Variants in FREM1 observed in about 807,000 individuals in gnomAD.
FREM1 encodes FRAS1-related extracellular matrix protein 1.
FREM1 carries 220 observed loss-of-function variants against 210.1 expected under a neutral mutation model. That is an observed-to-expected ratio of 1.05 (90% confidence interval 0.94 to 1.17). The LOEUF is 1.17. Among genes scored for constraint, FREM1 ranks in the 50% most tolerant of loss-of-function variants. The pLI, the probability that FREM1 is intolerant of heterozygous loss-of-function variation, is 0.00. For missense variants in FREM1, 3,454 were observed against 2,675.5 expected (o/e 1.29, Z -6.42); for synonymous variants, 1,189 against 980.2 (o/e 1.21, Z -3.98).
chr9:14,797,124 T>C (rs751039115), intron 21 of FREM1, among the ~76,000 whole-genome samples: 2 of 152,246 alleles, frequency 1.3e-5, no homozygotes, highest in Non-Finnish European at 2.9e-5. Context: ...CTGCAGTTAA[T>C]GTTATTAGAC....
intron 10 of FREM1, among the ~76,000 whole-genome samples, chr9:14,832,319 G>A (rs1823713651): frequency 6.6e-6 from 1 of 152,188 alleles, no homozygotes; most frequent in Admixed American, 6.5e-5. Context: ...GTATATAGAA[G>A]CTTTCCAAAA....
intron 1 of FREM1, among the ~76,000 whole-genome samples, chr9:14,875,287 C>T (rs898972245): frequency 1.3e-5 from 2 of 152,126 alleles, no homozygotes; most frequent in African/African-American, 2.4e-5. Context: ...CCATTCTCCC[C>T]ATCACTCATC....
intron 35 of FREM1, among the ~76,000 whole-genome samples, chr9:14,743,167 G>T (rs1841864285): frequency 6.6e-6 from 1 of 152,044 alleles, no homozygotes; most frequent in African/African-American, 2.4e-5. Context: ...TTAAAACCAA[G>T]CTGCAGATGA....
chr9:14,841,260 T>A (rs775536707), intron 10 of FREM1, among the ~76,000 whole-genome samples, 187 bp downstream of exon 10: 1 of 152,246 alleles, frequency 6.6e-6, no homozygotes, highest in Non-Finnish European at 1.5e-5. Context: ...TAGATATCTA[T>A]AAAAGTCTTT....
chr9:14,888,130 T>C (rs1033349508), intron 1 of FREM1, among the ~76,000 whole-genome samples: 4 of 152,180 alleles, frequency 2.6e-5, no homozygotes, highest in African/African-American at 4.8e-5. Context: ...TACTATATAG[T>C]AGGTTTTCTT....
intron 1 of FREM1, among the ~76,000 whole-genome samples, chr9:14,880,901 T>A (rs148973763): frequency 5.6e-4 from 85 of 152,320 alleles, no homozygotes; most frequent in African/African-American, 1.9e-3. Flanking sequence ...GTCACCAATA[T>A]AATTAGTTCC....
intron 13 of FREM1, 49 bp downstream of exon 13, chr9:14,823,111 C>G (rs575831894): frequency 6.9e-7 from 1 of 1,440,784 alleles, no homozygotes; most frequent in African/African-American, 1.4e-5. Context: ...CTTCAAGTCT[C>G]TCCTTTCTTT....
intron 1 of FREM1, among the ~76,000 whole-genome samples, chr9:14,873,607 C>CA (rs1833137660): frequency 6.6e-6 from 1 of 151,842 alleles, no homozygotes; most frequent in African/African-American, 2.4e-5. Flanking sequence ...TTGATCCTTT[C>CA]AAAAAAACCA....
chr9:14,861,218 TAC>T (rs1564107185), intron 3 of FREM1, among the ~76,000 whole-genome samples: 22 of 91,020 alleles, frequency 2.4e-4, no homozygotes, highest in African/African-American at 1.0e-3. Context: ...TATACATATA[TAC>T]ACATATATAC....
chr9:14,789,067 C>T lies in FREM1; in HGVS notation c.4029G>A (p.Gln1343=), dbSNP rs1185423962. The change falls in exon 23 of 37, where the codon CAG becomes CAA. Residue 1343 remains glutamine, a synonymous_variant. Transcript: ENST00000380880. The part of the protein sequence containing the change: ...VPLSPGMKCT[Q]EEVDLNLLRY... The stretch of plus-strand genomic sequence containing the variant: ...TCAGCAAGTTCAGATCCACTTCCTC[C>T]TGAGTGCATTTCATGCCAGGGGAGA... 6.2e-7 allele frequency: 1 copy of T among 1,607,078 alleles called. No individual in the cohort carries two copies. Among genetic ancestry groups the T allele is most frequent in the Admixed American group, 1.7e-5 (1 of 59,142 alleles).
chr9:14,766,646 A>G (rs534753989), intron 27 of FREM1, among the ~76,000 whole-genome samples: 209 of 152,306 alleles, frequency 1.4e-3, no homozygotes, highest in Non-Finnish European at 2.0e-3. Context: ...AACAGTCAAG[A>G]TTCTGAATTT....
At chr9:14,884,528 C>G (rs768741502) in intron 1 of FREM1, among the ~76,000 whole-genome samples, 90 of 152,140 alleles carry the variant, frequency 5.9e-4, no homozygotes, top group Non-Finnish European at 1.2e-3. Context: ...ATTTCTTCAA[C>G]CAAACTTTTT....
At chr9:14,884,469 G>A (rs2132225169) in intron 1 of FREM1, among the ~76,000 whole-genome samples, 1 of 152,214 alleles carries the variant, frequency 6.6e-6, no homozygotes, top group South Asian at 2.1e-4. Flanking sequence ...AATTCTTTCT[G>A]AAATGTGAAA....
rs770910385 is a variant in FREM1, at chr9:14,824,823, G to C, written c.2051C>G (p.Thr684Ser). The change falls in exon 11 of 37, where the codon ACT (threonine) becomes AGT (serine). Residue 684 changes from threonine (T) to serine (S), a missense_variant. By Grantham distance (58) the Thr-to-Ser change is moderately conservative. Coordinates refer to ENST00000380880, the MANE Select transcript of FREM1 (RefSeq NM_001379081.2). Reference protein sequence around the residue: ...YDRELVYTITTPPFFSFSHRH... With the variant: ...YDRELVYTITSPPFFSFSHRH... ...GTGGCTGAAGGAGAAAAATGGAGGA[G>C]TAGTTATTGTGTAGACCAGCTCCCT... 5.0e-6 allele frequency: 8 copies of C among 1,612,392 alleles called. No homozygotes were observed. The highest frequency in any genetic ancestry group is 5.9e-6 in the Non-Finnish European group (7 of 1,179,094).
chr9:14,844,225 C>CTTTTTTTTTTTTTTTTTTTTTT (rs35686371), intron 8 of FREM1, among the ~76,000 whole-genome samples: 1 of 138,782 alleles, frequency 7.2e-6, no homozygotes. Flanking sequence ...ACAACTCTTC[C>CTTTTTTTTTTTTTTTTTTTTTT]TTTTTTTTTT....
rs1564098631 is a variant in FREM1 at position 14,860,555 on chromosome 9, A to ATGTGTATATATATGTGTATATATATG, written c.330-1072_330-1071insCATATATATACACATATATATACACA. ...TATGTATATATATACACATATATAT[A>ATGTGTATATATATGTGTATATATATG]CACACATATATATACACATATATAT... On this transcript the variant is annotated intron_variant, in intron 3 of 36. Coordinates refer to ENST00000380880, the MANE Select transcript of FREM1 (RefSeq NM_001379081.2). 4.3e-5 allele frequency among the ~76,000 whole-genome samples: 5 copies of ATGTGTATATATATGTGTATATATATG among 116,596 alleles called. No homozygotes were observed. The South Asian group carries it at 1.3e-3, about 30-fold the overall frequency. 76.5% of individuals were successfully genotyped at this position (116,596 alleles called of 152,430 possible).
At chr9:14,796,920 A>G (rs1852512793) in intron 21 of FREM1, among the ~76,000 whole-genome samples, 1 of 152,350 alleles carries the variant, frequency 6.6e-6, no homozygotes, top group African/African-American at 2.4e-5. Flanking sequence ...GAGAAAGTTT[A>G]CAATTGAATA....
chr9:14,775,670 T>G (rs536711763), intron 25 of FREM1, 119 bp downstream of exon 25: 27 of 656,168 alleles, frequency 4.1e-5, no homozygotes, highest in Non-Finnish European at 5.7e-5. Context: ...ATCACGCCAC[T>G]GCACTGCAGC....
chr9:14,790,812 G>A (rs1851176902), intron 22 of FREM1: 1 of 152,184 alleles, frequency 6.6e-6, no homozygotes, highest in Admixed American at 6.5e-5. Flanking sequence ...TGGGAACCTG[G>A]ACCCATCTGC....
Sources: gnomAD v4.1 joint callset for allele counts (sites outside exome capture counted in the v4.1 genomes callset) on GRCh38, gnomAD v4.1.1 for gene constraint, MANE v1.5 for transcripts, NCBI Gene and HGNC (gene_info 2026-07-23, HGNC 2026-07-21) for gene names.